The following C10orf90 variants were observed in gnomAD, a reference collection of about 807,000 sequenced individuals.
C10orf90 encodes the protein chromosome 10 open reading frame 90, also known as (E2-independent) E3 ubiquitin-conjugating enzyme FATS.
C10orf90 carries 56 observed loss-of-function variants against 62.5 expected under a neutral mutation model. The ratio of observed to expected loss-of-function variants is 0.90; its 90% CI spans 0.72 to 1.12. C10orf90 has a LOEUF of 1.12. Among genes scored for constraint, C10orf90 ranks in the 50% most tolerant of loss-of-function variants. The probability of loss-of-function intolerance (pLI) is 0.00; values close to 1 mark genes in which losing one functional copy is unlikely to be tolerated. For synonymous variants in C10orf90, 386 were observed against 340.4 expected, an observed-to-expected ratio of 1.13 and a Z score of -1.47; for missense variants, 970 against 880.4, an observed-to-expected ratio of 1.10 and a Z score of -1.29.
chr10:126,643,626 GC>G (rs1161037205), intron 2 of C10orf90, among the ~76,000 whole-genome samples: 1 of 152,182 alleles, frequency 6.6e-6, no homozygotes, highest in East Asian at 1.9e-4. Context: ...TGCTGCCAGG[GC>G]CCAAGTAGCA....
intron 2 of C10orf90, among the ~76,000 whole-genome samples, chr10:126,571,870 A>G (rs974226123): frequency 6.6e-6 from 1 of 152,292 alleles, no homozygotes; most frequent in Admixed American, 6.5e-5. Context: ...CTAACAATGC[A>G]GGTAGTCAGG....
At chr10:126,576,735 T>A (rs369572719) in intron 2 of C10orf90, among the ~76,000 whole-genome samples, 1 of 46,884 alleles carries the variant, frequency 2.1e-5, no homozygotes, top group African/African-American at 9.9e-5. Context: ...CATATATATG[T>A]ATATGTATAT....
intron 2 of C10orf90, among the ~76,000 whole-genome samples, chr10:126,633,621 C>T (rs1428361764): frequency 6.6e-6 from 1 of 152,264 alleles, no homozygotes; most frequent in Non-Finnish European, 1.5e-5. Flanking sequence ...TACTAGCAAG[C>T]GGGGAGATGT....
At chr10:126,493,346 T>C (rs1391480735) in intron 4 of C10orf90, among the ~76,000 whole-genome samples, 1 of 151,690 alleles carries the variant, frequency 6.6e-6, no homozygotes, top group African/African-American at 2.4e-5. Context: ...TTTTAAGTTT[T>C]ATAATAAACA....
At chr10:126,494,115 C>G (rs1861911098) in intron 4 of C10orf90, among the ~76,000 whole-genome samples, 1 of 152,122 alleles carries the variant, frequency 6.6e-6, no homozygotes, top group African/African-American at 2.4e-5. Flanking sequence ...GCCATCAGAT[C>G]AAAAATGCCT....
intron 5 of C10orf90, chr10:126,463,417 T>C (rs933602894): frequency 1.6e-4 from 24 of 152,232 alleles, no homozygotes; most frequent in Admixed American, 1.4e-3. Context: ...TGAGCAAATC[T>C]AATTATGTCT....
chr10:126,511,273 G>T (rs773853771), intron 3 of C10orf90, among the ~76,000 whole-genome samples: 1 of 152,108 alleles, frequency 6.6e-6, no homozygotes, highest in Non-Finnish European at 1.5e-5. Flanking sequence ...TTGCCTTTCC[G>T]TGCAGTTACT....
intron 2 of C10orf90, among the ~76,000 whole-genome samples, chr10:126,611,446 T>A (rs1293092298): frequency 6.9e-6 from 1 of 144,702 alleles, no homozygotes; most frequent in Admixed American, 7.0e-5. Context: ...TTAGGAGTAA[T>A]GCTGCTATTT....
chr10:126,473,792 C>T (rs1044324321), intron 4 of C10orf90, among the ~76,000 whole-genome samples: 3 of 152,092 alleles, frequency 2.0e-5, no homozygotes, highest in Admixed American at 6.5e-5. Context: ...AGCACAATCA[C>T]ATGGCATGTT....
Position 126,456,899 on chromosome 10 carries a change from C to A in C10orf90, c.2188+2141G>T, listed in dbSNP as rs1859621428. On this transcript the variant is annotated intron_variant, in intron 7 of 9. Transcript: ENST00000488181. The surrounding 1 kb of genome is among the most constrained non-coding windows in gnomAD (Gnocchi z 4.9). Reference sequence around the variant, plus strand: ...GACCACTGAGCCTCTAGAAAGTAACCAACCCTGTGGAAACCTCGGTTTTGA... The same window carrying A: ...GACCACTGAGCCTCTAGAAAGTAACAAACCCTGTGGAAACCTCGGTTTTGA... Among the ~76,000 whole-genome samples, 1 of 152,186 alleles carries A rather than the reference C, an allele frequency of 6.6e-6. No homozygotes were observed. The highest frequency in any genetic ancestry group is 1.5e-5 in the Non-Finnish European group (1 of 68,032).
intron 2 of C10orf90, among the ~76,000 whole-genome samples, chr10:126,627,246 C>T (rs964395390): frequency 6.6e-6 from 1 of 152,114 alleles, no homozygotes; most frequent in Non-Finnish European, 1.5e-5. Context: ...GTAATCTACC[C>T]ACCTCAGCTT....
intron 4 of C10orf90, among the ~76,000 whole-genome samples, chr10:126,478,502 T>C (rs2133794054): frequency 6.6e-6 from 1 of 152,372 alleles, no homozygotes; most frequent in East Asian, 1.9e-4. Flanking sequence ...GACTTTGTTC[T>C]TTATTTTAAG....
intron 2 of C10orf90, among the ~76,000 whole-genome samples, chr10:126,637,480 G>A (rs1318959376): frequency 3.9e-5 from 6 of 152,236 alleles, no homozygotes; most frequent in Non-Finnish European, 8.8e-5. Flanking sequence ...TGCGGAGCTT[G>A]TGGTTTGGAT....
intron 2 of C10orf90, among the ~76,000 whole-genome samples, chr10:126,629,055 T>G (rs1845803142): frequency 6.6e-6 from 1 of 152,168 alleles, no homozygotes; most frequent in Non-Finnish European, 1.5e-5. Context: ...ATGCACAAAT[T>G]AGGATTCCAA....
At chr10:126,513,738 A>G (rs532349469) in intron 3 of C10orf90, 110 bp downstream of exon 3, 20 of 686,528 alleles carry the variant, frequency 2.9e-5, no homozygotes, top group Non-Finnish European at 5.0e-5. Context: ...CATTAATTCA[A>G]TTTTGACTAA....
At chr10:126,608,390 G>T (rs1845360868) in intron 2 of C10orf90, among the ~76,000 whole-genome samples, 2 of 152,152 alleles carry the variant, frequency 1.3e-5, no homozygotes, top group African/African-American at 4.8e-5. Flanking sequence ...GGGATTACAG[G>T]CTTGAGCCAC....
intron 6 of C10orf90, among the ~76,000 whole-genome samples, chr10:126,459,904 G>A (rs1859855522): frequency 6.6e-6 from 1 of 152,176 alleles, no homozygotes; most frequent in Admixed American, 6.5e-5. Context: ...CCAGATGCCG[G>A]GCTAGGTGCT....
chr10:126,499,775 G>T (rs1281615046), intron 4 of C10orf90, among the ~76,000 whole-genome samples: 1 of 152,092 alleles, frequency 6.6e-6, no homozygotes, highest in Admixed American at 6.6e-5. Context: ...TGCAACATGG[G>T]CCCACCATAG....
intron 2 of C10orf90, among the ~76,000 whole-genome samples, chr10:126,567,974 G>C (rs1277726208): frequency 6.6e-6 from 1 of 152,068 alleles, no homozygotes; most frequent in Non-Finnish European, 1.5e-5. Context: ...TGGGAGAAAA[G>C]AGAAGGAGAA....
Sources: gnomAD v4.1 joint callset for allele counts (sites outside exome capture counted in the v4.1 genomes callset) on GRCh38, gnomAD v4.1.1 for gene constraint, Gnocchi (gnomAD v3.1) non-coding constraint, MANE v1.5 for transcripts, NCBI Gene and HGNC (gene_info 2026-07-23, HGNC 2026-07-21) for gene names.